The following HHAT variants were observed in gnomAD, a reference collection of about 807,000 sequenced individuals.
HHAT encodes hedgehog acyltransferase, also known as protein-cysteine N-palmitoyltransferase HHAT.
Under a neutral mutation model 70.8 loss-of-function variants are expected in HHAT, and 47 were observed. The ratio of observed to expected loss-of-function variants is 0.66; its 90% confidence interval spans 0.53 to 0.85. The LOEUF is 0.85. Among genes scored for constraint, HHAT ranks in the 40% least tolerant of loss-of-function variants. The probability of loss-of-function intolerance (pLI) is 0.00; values close to 1 mark genes in which losing one functional copy is unlikely to be tolerated. For missense variants in HHAT, 609 were observed against 604.8 expected, an observed-to-expected ratio of 1.01 and a Z score of -0.07; for synonymous variants, 228 against 247.6, an observed-to-expected ratio of 0.92 and a Z score of 0.74.
intron 7 of HHAT, among the ~76,000 whole-genome samples, chr1:210,450,907 C>A (rs548798146): frequency 6.6e-6 from 1 of 151,762 alleles, no homozygotes; most frequent in African/African-American, 2.4e-5. Flanking sequence ...ACGGTGAAAC[C>A]CCGTCTCTAC....
At chr1:210,542,494 AAAATATAT>A (rs1023849603) in intron 9 of HHAT, among the ~76,000 whole-genome samples, 2 of 139,072 alleles carry the variant, frequency 1.4e-5, no homozygotes, top group African/African-American at 5.2e-5. Context: ...AGTTAAAAAA[AAAATATAT>A]ATATATATAT....
At position 210,338,175 on chromosome 1, in the gene HHAT, G is replaced by A. The variant is rs2085679926; in HGVS notation, c.-44+9071G>A. On this transcript the variant is annotated intron_variant, in intron 1 of 11. Transcript: ENST00000261458. ...CAGCCTGGGCAACATAGTGAGACCC[G>A]CCCCCATTTAAAAAAAAAAATGGGT... 2.8e-5 allele frequency among the ~76,000 whole-genome samples: 3 copies of A among 108,632 alleles called. No homozygotes were observed. In the South Asian group the frequency reaches 1.0e-3, roughly 36 times the overall value. 71.3% of individuals were successfully genotyped at this position (108,632 alleles called of 152,430 possible).
At chr1:210,534,347 A>G (rs2095347780) in intron 9 of HHAT, among the ~76,000 whole-genome samples, 2 of 152,162 alleles carry the variant, frequency 1.3e-5, no homozygotes, top group Admixed American at 6.5e-5. Flanking sequence ...GGAGATGATT[A>G]TTCACACTAC....
At chr1:210,616,007 G>T (rs989337271) in intron 10 of HHAT, among the ~76,000 whole-genome samples, 24 of 152,292 alleles carry the variant, frequency 1.6e-4, no homozygotes, top group Admixed American at 1.2e-3. Flanking sequence ...CTATACTCAC[G>T]CTGGGAGCTG....
At chr1:210,515,497 C>T (rs1343142572) in intron 9 of HHAT, among the ~76,000 whole-genome samples, 1 of 152,170 alleles carries the variant, frequency 6.6e-6, no homozygotes, top group African/African-American at 2.4e-5. Flanking sequence ...GTGGCTCACG[C>T]CTGTAATCCC....
At chr1:210,537,676 A>C (rs17260522) in intron 9 of HHAT, among the ~76,000 whole-genome samples, 28,542 of 152,100 alleles carry the variant, frequency 0.19, 3,266 homozygotes, top group Middle Eastern at 0.29. Context: ...GGATAGAGGA[A>C]AATGTACCCT....
At chr1:210,492,282 T>G (rs2094564443) in intron 8 of HHAT, among the ~76,000 whole-genome samples, 1 of 152,206 alleles carries the variant, frequency 6.6e-6, no homozygotes, top group Non-Finnish European at 1.5e-5. Context: ...TCTCCTACCA[T>G]TTATGATACA....
chr1:210,542,635 A>G (rs1028975609), intron 9 of HHAT, among the ~76,000 whole-genome samples: 1 of 151,632 alleles, frequency 6.6e-6, no homozygotes, highest in Non-Finnish European at 1.5e-5. Flanking sequence ...CCATCTCTAT[A>G]AAATAAAATA....
At chr1:210,381,995 G>T (rs2090674997) in intron 3 of HHAT, among the ~76,000 whole-genome samples, 1 of 152,164 alleles carries the variant, frequency 6.6e-6, no homozygotes, top group South Asian at 2.1e-4. Context: ...TCAGTTTTCT[G>T]GGGAATGCAA....
intron 9 of HHAT, among the ~76,000 whole-genome samples, chr1:210,520,841 T>G (rs1027273437): frequency 6.6e-6 from 1 of 152,220 alleles, no homozygotes; most frequent in Non-Finnish European, 1.5e-5. Flanking sequence ...AAGATAAATT[T>G]TCTTTATCGT....
At chr1:210,381,484 T>C (rs554471143) in intron 3 of HHAT, among the ~76,000 whole-genome samples, 1 of 152,256 alleles carries the variant, frequency 6.6e-6, no homozygotes, top group East Asian at 1.9e-4. Flanking sequence ...TTTCACCATG[T>C]TGGCCAGGCT....
intron 7 of HHAT, among the ~76,000 whole-genome samples, chr1:210,426,635 G>C (rs1203336644): frequency 4.6e-5 from 7 of 152,108 alleles, no homozygotes; most frequent in African/African-American, 1.7e-4. Flanking sequence ...TTTTTGTAAT[G>C]AATTACATTT....
rs79659498 is a variant in HHAT at position 210,358,516 on chromosome 1, C to G, written c.92-4336C>G. On this transcript the variant is annotated intron_variant, in intron 2 of 11. Coordinates refer to ENST00000261458, the MANE Select transcript of HHAT (RefSeq NM_018194.6). ...CCAGAGTGTCATGAAAAGCCACCCC[C>G]TTTCTGTAGGATAATCTGCAGAAGA... 2.2e-3 allele frequency among the ~76,000 whole-genome samples: 342 copies of G among 152,342 alleles called. 9 individuals are homozygous for G. The East Asian group carries it at 0.058, about 26-fold the overall frequency.
At chr1:210,580,488 C>G (rs1192814903) in intron 9 of HHAT, among the ~76,000 whole-genome samples, 1 of 117,526 alleles carries the variant, frequency 8.5e-6, no homozygotes, top group Non-Finnish European at 1.7e-5. Flanking sequence ...GTTCCCTCCC[C>G]CCACCCCCCA....
intron 9 of HHAT, among the ~76,000 whole-genome samples, chr1:210,539,066 G>A (rs527929407): frequency 6.6e-6 from 1 of 152,294 alleles, no homozygotes; most frequent in Non-Finnish European, 1.5e-5. Context: ...GACAGAGGAG[G>A]ACCCTGTCTG....
chr1:210,329,271 A>T (rs1327699359), intron 1 of HHAT, 167 bp downstream of exon 1: 32 of 1,226,646 alleles, frequency 2.6e-5, no homozygotes, highest in Non-Finnish European at 3.2e-5. Context: ...TCGGGCGAAG[A>T]AGACAAAAGC....
At chr1:210,373,567 C>T (rs569662006) in intron 3 of HHAT, among the ~76,000 whole-genome samples, 1 of 152,166 alleles carries the variant, frequency 6.6e-6, no homozygotes, top group African/African-American at 2.4e-5. Context: ...CCGAAAAGTT[C>T]GAGATGGATG....
At chr1:210,538,415 A>G (rs2095396351) in intron 9 of HHAT, among the ~76,000 whole-genome samples, 3 of 152,198 alleles carry the variant, frequency 2.0e-5, no homozygotes, top group African/African-American at 7.2e-5. Context: ...AAATATTTTA[A>G]AACTTTAGTC....
intron 9 of HHAT, among the ~76,000 whole-genome samples, chr1:210,548,313 C>T (rs997097794): frequency 2.0e-5 from 3 of 152,132 alleles, no homozygotes; most frequent in African/African-American, 4.8e-5. Context: ...TTTAAGGGTG[C>T]GTTGTTGGAG....
Sources: gnomAD v4.1 joint callset for allele counts (sites outside exome capture counted in the v4.1 genomes callset) on GRCh38, gnomAD v4.1.1 for gene constraint, MANE v1.5 for transcripts, NCBI Gene and HGNC (gene_info 2026-07-23, HGNC 2026-07-21) for gene names.